Variants in SNTG2 observed in about 807,000 individuals in gnomAD.
SNTG2 encodes the protein syntrophin gamma 2.
Under a neutral mutation model 70.9 loss-of-function variants are expected in SNTG2, and 74 were observed. The observed-to-expected ratio is 1.04, with a 90% CI of 0.86 to 1.27. SNTG2 has a LOEUF of 1.27. Ranked by LOEUF, SNTG2 falls within the 50% of genes most tolerant of loss-of-function variation. The pLI is 0.00. For missense variants in SNTG2, 717 were observed against 690.7 expected (o/e 1.04, Z -0.43); for synonymous variants, 278 against 273.8 (o/e 1.02, Z -0.15).
chr2:1,070,918 C>T (rs1247188476), intron 1 of SNTG2, among the ~76,000 whole-genome samples: 1 of 152,188 alleles, frequency 6.6e-6, no homozygotes, highest in Non-Finnish European at 1.5e-5. Flanking sequence ...GCAGTGCCTG[C>T]TGCTGGTGAA....
At chr2:1,084,552 C>T (rs4971373) in intron 2 of SNTG2, among the ~76,000 whole-genome samples, 115,625 of 152,080 alleles carry the variant, frequency 0.76, 44,587 homozygotes, top group Admixed American at 0.87. Context: ...AGTTGCTCTT[C>T]CCTGGAACCC....
At chr2:1,052,996 A>G (rs1483564573) in intron 1 of SNTG2, among the ~76,000 whole-genome samples, 3 of 152,168 alleles carry the variant, frequency 2.0e-5, no homozygotes, top group Non-Finnish European at 4.4e-5. Context: ...ACTTTTCAGG[A>G]GCGGAGATTT....
At chr2:1,070,811 G>A (rs1663482974) in intron 1 of SNTG2, among the ~76,000 whole-genome samples, 1 of 152,204 alleles carries the variant, frequency 6.6e-6, no homozygotes, top group Admixed American at 6.5e-5. Flanking sequence ...GAACCGTGAC[G>A]AGGGTGTGCA....
intron 7 of SNTG2, among the ~76,000 whole-genome samples, chr2:1,171,321 C>G (rs1281430809): frequency 2.0e-5 from 3 of 152,212 alleles, no homozygotes; most frequent in Non-Finnish European, 4.4e-5. Flanking sequence ...TTAGCTCATT[C>G]AGTCAATGGT....
At chr2:1,261,531 A>G (rs994280575) in intron 13 of SNTG2, among the ~76,000 whole-genome samples, 3 of 152,198 alleles carry the variant, frequency 2.0e-5, no homozygotes, top group African/African-American at 7.2e-5. Context: ...TGCACCAATC[A>G]GCCTTGATTG....
rs766837070 is a variant in SNTG2 at position 1,208,627 on chromosome 2, G to T, written c.592-476G>T. 1.3e-5 allele frequency among the ~76,000 whole-genome samples: 2 copies of T among 152,152 alleles called. 1 individual carries two copies. The highest frequency in any genetic ancestry group is 2.9e-5 in the Non-Finnish European group (2 of 68,024). ...GAGGCCTCACCACTTTTCCATCTGG[G>T]CCCGGCTCTGACCACAGCACAGAGT... On this transcript the variant is annotated intron_variant, in intron 8 of 16. Transcript: ENST00000308624.
intron 4 of SNTG2, among the ~76,000 whole-genome samples, chr2:1,120,189 G>A (rs1667293893): frequency 6.6e-6 from 1 of 151,908 alleles, no homozygotes; most frequent in Non-Finnish European, 1.5e-5. Context: ...TAAGAAAATG[G>A]CATTTGTCAT....
At chr2:1,176,898 C>T (rs1671514174) in intron 8 of SNTG2, among the ~76,000 whole-genome samples, 1 of 152,154 alleles carries the variant, frequency 6.6e-6, no homozygotes, top group Non-Finnish European at 1.5e-5. Flanking sequence ...TAAATTCATT[C>T]AACCATTGTG....
chr2:1,281,939 G>T lies in SNTG2; in HGVS notation c.1284+14368G>T, dbSNP rs79823010. Among the ~76,000 whole-genome samples the T allele has an allele frequency of 9.7e-3, 1,473 of 152,226 alleles. 20 individuals are homozygous for T. The highest frequency in any genetic ancestry group is 0.034 in the African/African-American group (1,394 of 41,524). ...CCCGGGAGGAGGTGGATGGGCTCAC[G>T]GCCGAGCCTTGTGACCTTGCTACCA... On this transcript the variant is annotated intron_variant, in intron 14 of 16. Coordinates refer to ENST00000308624, the MANE Select transcript of SNTG2 (RefSeq NM_018968.4).
At chr2:1,162,285 G>A (rs1360251066) in intron 6 of SNTG2, among the ~76,000 whole-genome samples, 1 of 152,086 alleles carries the variant, frequency 6.6e-6, no homozygotes, top group African/African-American at 2.4e-5. Context: ...GTATGGAGGT[G>A]GGCAGGGAGG....
chr2:1,237,948 C>G lies in SNTG2; in HGVS notation c.780C>G (p.Tyr260Ter). The change falls in exon 10 of 17, where the codon TAC becomes TAG. Residue 260 changes from tyrosine (Y) to a stop codon, truncating the protein, a stop_gained. Transcript: ENST00000308624. LOFTEE classifies it high-confidence loss of function. Reference sequence around the variant, plus strand: ...TCAGCTCTGGGATCCTCCGGTTTTACACAGCCCAGGATGGCACCGACTGGC... The same window carrying G: ...TCAGCTCTGGGATCCTCCGGTTTTAGACAGCCCAGGATGGCACCGACTGGC... ...DGVSSGILRF[Y>*]TAQDGTDWLR... The G allele has an allele frequency of 6.2e-7, 1 of 1,609,220 alleles. No homozygotes were observed.
At chr2:1,089,973 G>A (rs932347083) in intron 2 of SNTG2, among the ~76,000 whole-genome samples, 4 of 152,092 alleles carry the variant, frequency 2.6e-5, no homozygotes, top group African/African-American at 9.7e-5. Context: ...TTCCTCACTG[G>A]CCTTTCGGTA....
intron 11 of SNTG2, among the ~76,000 whole-genome samples, chr2:1,245,056 A>G (rs914402373): frequency 2.1e-5 from 3 of 144,640 alleles, no homozygotes; most frequent in Non-Finnish European, 4.5e-5. Flanking sequence ...TCACTCATAG[A>G]TGGGAATTGA....
chr2:1,031,548 T>TTTTTTTTA (rs58725324), intron 1 of SNTG2, among the ~76,000 whole-genome samples: 1 of 78,348 alleles, frequency 1.3e-5, no homozygotes. Context: ...TTTTTTTTTT[T>TTTTTTTTA]GAGGCGAAAT....
intron 1 of SNTG2, among the ~76,000 whole-genome samples, chr2:1,021,713 G>T (rs547242413): frequency 6.6e-6 from 1 of 151,660 alleles, no homozygotes; most frequent in Non-Finnish European, 1.5e-5. Context: ...CCTGGCTCAA[G>T]CAATCCTCCC....
intron 14 of SNTG2, among the ~76,000 whole-genome samples, chr2:1,303,178 A>G (rs1322377405): frequency 6.6e-6 from 1 of 152,214 alleles, no homozygotes; most frequent in Non-Finnish European, 1.5e-5. Flanking sequence ...CCCACCACAT[A>G]CTACGGGATA....
At chr2:1,170,638 G>A (rs139671519) in intron 7 of SNTG2, among the ~76,000 whole-genome samples, 1 of 151,968 alleles carries the variant, frequency 6.6e-6, no homozygotes. Context: ...CCCCAATGTC[G>A]CGGGCATCGG....
intron 16 of SNTG2, among the ~76,000 whole-genome samples, chr2:1,327,652 A>G (rs1245756387): frequency 1.3e-5 from 2 of 152,206 alleles, no homozygotes; most frequent in African/African-American, 4.8e-5. Flanking sequence ...ATATTACTGT[A>G]TGTTATGCAG....
intron 15 of SNTG2, among the ~76,000 whole-genome samples, chr2:1,313,699 A>G (rs1260443025): frequency 6.6e-6 from 1 of 152,166 alleles, no homozygotes; most frequent in African/African-American, 2.4e-5. Flanking sequence ...AGGAGCCACC[A>G]CGTCCGGCCA....
Sources: allele counts gnomAD v4.1 joint callset (sites outside exome capture counted in the v4.1 genomes callset), GRCh38; gene constraint gnomAD v4.1.1; transcripts MANE v1.5; gene names NCBI Gene and HGNC (gene_info 2026-07-23, HGNC 2026-07-21).